Variants in RIMOC1 observed in about 807,000 individuals in gnomAD.
RIMOC1 encodes the protein RAB7A-interacting MON1-CCZ1 complex subunit 1.
chr5:41,905,266 A>G, the RIMOC1 span, among the ~76,000 whole-genome samples: 1 of 152,202 alleles, frequency 6.6e-6, no homozygotes, highest in Non-Finnish European at 1.5e-5. Context: ...TTTGTTATTA[A>G]ATAGGGTCTA....
chr5:41,915,239 T>C, the RIMOC1 span, among the ~76,000 whole-genome samples: 2 of 152,194 alleles, frequency 1.3e-5, no homozygotes, highest in African/African-American at 4.8e-5. Context: ...AGAATAAACC[T>C]GGAATCACAT....
the RIMOC1 span, among the ~76,000 whole-genome samples, chr5:41,915,039 GTTT>G: frequency 6.6e-6 from 1 of 152,020 alleles, no homozygotes; most frequent in African/African-American, 2.4e-5. Flanking sequence ...ACTGTGTATG[GTTT>G]TTGTTACTTT....
At chr5:41,910,400 C>T in the RIMOC1 span, among the ~76,000 whole-genome samples, 1 of 151,794 alleles carries the variant, frequency 6.6e-6, no homozygotes, top group Non-Finnish European at 1.5e-5. Flanking sequence ...TCTCTTTCAT[C>T]ACCGATAGTC....
the RIMOC1 span, chr5:41,917,623 G>T: frequency 2.0e-6 from 2 of 984,822 alleles, no homozygotes; most frequent in East Asian, 9.6e-5. Context: ...TGTGGTATAT[G>T]TAACACAAGT....
the RIMOC1 span, among the ~76,000 whole-genome samples, chr5:41,910,306 C>G: frequency 2.0e-5 from 3 of 151,918 alleles, no homozygotes; most frequent in Non-Finnish European, 4.4e-5. Context: ...TGCTTCTTTT[C>G]CACTTCTTCA....
chr5:41,904,501 C>T, the RIMOC1 span: 2 of 1,593,454 alleles, frequency 1.3e-6, no homozygotes, highest in Non-Finnish European at 1.7e-6. Flanking sequence ...GCGGGCGGGG[C>T]AGACGGCGCT....
chr5:41,911,270 A>G, the RIMOC1 span: 3 of 1,238,010 alleles, frequency 2.4e-6, no homozygotes, highest in African/African-American at 4.7e-5. Flanking sequence ...TAGTGGATCA[A>G]AGGGTCTGAG....
the RIMOC1 span, chr5:41,911,229 C>A: frequency 6.4e-7 from 1 of 1,550,980 alleles, no homozygotes; most frequent in South Asian, 1.2e-5. Context: ...TTAGAGGTTT[C>A]AAAAAGCTGT....
chr5:41,904,446 A>T, the RIMOC1 span: 5 of 1,614,010 alleles, frequency 3.1e-6, no homozygotes, highest in Admixed American at 3.3e-5. Context: ...ACAGCAACTT[A>T]GCGAAGCTGC....
the RIMOC1 span, chr5:41,917,239 A>G: frequency 2.0e-5 from 32 of 1,613,552 alleles, no homozygotes; most frequent in African/African-American, 3.9e-4. Flanking sequence ...TGAAAGAACA[A>G]GAATGGAATA....
chr5:41,909,818 C>G, the RIMOC1 span: 2 of 1,591,314 alleles, frequency 1.3e-6, no homozygotes, highest in Admixed American at 3.5e-5. Flanking sequence ...CTCTTCTTCA[C>G]AGAAAGTAAA....
At chr5:41,919,210 A>G in the RIMOC1 span, 2 of 152,162 alleles carry the variant, frequency 1.3e-5, no homozygotes, top group African/African-American at 2.4e-5. Context: ...CCAAACGTCA[A>G]GTCCTCATCT....
the RIMOC1 span, chr5:41,908,480 G>A: frequency 2.0e-5 from 3 of 152,150 alleles, no homozygotes; most frequent in Non-Finnish European, 4.4e-5. Flanking sequence ...TAAAACTGAA[G>A]TGGTTACAGA....
the RIMOC1 span, chr5:41,916,999 C>G: frequency 6.4e-7 from 1 of 1,571,264 alleles, no homozygotes; most frequent in African/African-American, 1.4e-5. Flanking sequence ...ATCTGTCAAC[C>G]TAAATGACTT....
At chr5:41,914,895 AT>A in the RIMOC1 span, among the ~76,000 whole-genome samples, 1 of 152,202 alleles carries the variant, frequency 6.6e-6, no homozygotes, top group Non-Finnish European at 1.5e-5. Flanking sequence ...GGCTCAAATT[AT>A]TTTTTGTTAG....
chr5:41,907,866 G>A, the RIMOC1 span: 3 of 1,439,596 alleles, frequency 2.1e-6, no homozygotes, highest in Non-Finnish European at 2.9e-6. Context: ...GGTGGACTCT[G>A]GCATTTTATG....
At chr5:41,909,810 C>G in the RIMOC1 span, 6 of 1,590,584 alleles carry the variant, frequency 3.8e-6, no homozygotes, top group East Asian at 2.3e-5. Flanking sequence ...CCTGAAGACT[C>G]TTCTTCACAG....
chr5:41,918,763 CA>C, the RIMOC1 span: 3 of 985,128 alleles, frequency 3.0e-6, no homozygotes, highest in Non-Finnish European at 3.6e-6. Flanking sequence ...CCTCCCCTAG[CA>C]TATGGCTCTT....
chr5:41,913,737 A>G, the RIMOC1 span, among the ~76,000 whole-genome samples: 149 of 152,286 alleles, frequency 9.8e-4, no homozygotes, highest in African/African-American at 3.5e-3. Flanking sequence ...AGCATTTCAT[A>G]GAAAAAAAAT....
Sources: allele counts gnomAD v4.1 joint callset (sites outside exome capture counted in the v4.1 genomes callset), GRCh38; gene constraint gnomAD v4.1.1; transcripts MANE v1.5; gene names NCBI Gene and HGNC (gene_info 2026-07-23, HGNC 2026-07-21).